TRAK1: variants seen among roughly 807,000 people sequenced by gnomAD.
The protein encoded by TRAK1 is trafficking kinesin protein 1.
Under a neutral mutation model 92.1 loss-of-function variants are expected in TRAK1, and 33 were observed. The ratio of observed to expected loss-of-function variants is 0.36; its 90% CI spans 0.27 to 0.48. The LOEUF is 0.48. TRAK1 is among the 20% of genes least tolerant of loss of function. The probability of loss-of-function intolerance (pLI) is 0.99; values close to 1 mark genes in which losing one functional copy is unlikely to be tolerated. For missense variants in TRAK1, 1,123 were observed against 1,257.9 expected (o/e 0.89, Z 1.62); for synonymous variants, 521 against 517.3 (o/e 1.01, Z -0.10).
chr3:42,177,535 C>T (rs1377381409), intron 3 of TRAK1, among the ~76,000 whole-genome samples: 1 of 152,214 alleles, frequency 6.6e-6, no homozygotes, highest in African/African-American at 2.4e-5. Context: ...CATTAATGCA[C>T]TGCCCCCTTC....
chr3:42,190,775 CCCTCCCTCCCTCTCTCCCTT>C (rs915386131), intron 6 of TRAK1, among the ~76,000 whole-genome samples: 6 of 151,760 alleles, frequency 4.0e-5, no homozygotes, highest in Admixed American at 6.6e-5. Context: ...TTTCTCTCCT[CCCTCCCTCCCTCTCTCCCTT>C]CCTCCCTCCC....
chr3:42,159,398 G>A (rs1372512516), intron 2 of TRAK1, among the ~76,000 whole-genome samples: 1 of 152,150 alleles, frequency 6.6e-6, no homozygotes, highest in Non-Finnish European at 1.5e-5. Flanking sequence ...GCTAGCACCC[G>A]GGGCTGCCTT....
upstream of TRAK1, among the ~76,000 whole-genome samples, chr3:42,082,342 T>C (rs1704475834): frequency 6.6e-6 from 1 of 152,194 alleles, no homozygotes; most frequent in Non-Finnish European, 1.5e-5. Context: ...CTCACGCCTG[T>C]AATCCCAGCA....
chr3:42,135,845 G>T (rs566927664), intron 2 of TRAK1, among the ~76,000 whole-genome samples: 1 of 152,176 alleles, frequency 6.6e-6, no homozygotes, highest in African/African-American at 2.4e-5. Context: ...CTCTCTGCAG[G>T]TGATGGCTAC....
rs1440626281 is a variant in TRAK1, at chr3:42,224,061, A to C, written c.*324A>C. Reference sequence around the variant, plus strand: ...GGTCCTTTCTTCTTTCCTTTTGAGAAGCACTGAAACTCCCAAGTGTGTTCT... The same window carrying C: ...GGTCCTTTCTTCTTTCCTTTTGAGACGCACTGAAACTCCCAAGTGTGTTCT... On this transcript the variant is annotated 3_prime_UTR_variant, in exon 16 of 16. Coordinates refer to ENST00000327628, the MANE Select transcript of TRAK1 (RefSeq NM_001042646.3). 1 of 510,000 alleles carries C rather than the reference A, an allele frequency of 2.0e-6. No individual in the cohort carries two copies. The highest frequency in any genetic ancestry group is 3.8e-6 in the Non-Finnish European group (1 of 262,804). The allele number at this position is 510,000 out of a possible 1,614,324, so 31.6% of individuals were successfully genotyped here.
At chr3:42,036,716 A>G (rs1702339797) in intron 1 of TRAK1, among the ~76,000 whole-genome samples, 2 of 152,126 alleles carry the variant, frequency 1.3e-5, no homozygotes, top group African/African-American at 4.8e-5. Context: ...TAACAGCCAA[A>G]TGCCTTTTAA....
intron 1 of TRAK1, among the ~76,000 whole-genome samples, chr3:42,063,299 A>G (rs1037674711): frequency 6.6e-6 from 1 of 152,212 alleles, no homozygotes; most frequent in Non-Finnish European, 1.5e-5. Context: ...GCCCTAAGCC[A>G]TTGCTGAAGG....
chr3:42,154,161 T>C (rs1700270870), intron 2 of TRAK1, among the ~76,000 whole-genome samples: 1 of 152,138 alleles, frequency 6.6e-6, no homozygotes, highest in Non-Finnish European at 1.5e-5. Context: ...TAATTTTAAT[T>C]TTGTTTTATT....
At chr3:42,173,969 T>A (rs1033334948) in intron 2 of TRAK1, among the ~76,000 whole-genome samples, 3 of 152,184 alleles carry the variant, frequency 2.0e-5, no homozygotes, top group African/African-American at 7.2e-5. Context: ...GCCTTAGTTT[T>A]CTGTTGTAAA....
At chr3:42,162,612 G>A (rs1297237280) in intron 2 of TRAK1, among the ~76,000 whole-genome samples, 13 of 152,198 alleles carry the variant, frequency 8.5e-5, no homozygotes, top group Non-Finnish European at 2.9e-5. Flanking sequence ...CAGCGATGCT[G>A]TACATAAGGT....
intron 1 of TRAK1, among the ~76,000 whole-genome samples, chr3:42,101,341 G>A (rs1487273413): frequency 6.6e-6 from 1 of 152,252 alleles, no homozygotes; most frequent in African/African-American, 2.4e-5. Flanking sequence ...CATAGCAAGA[G>A]TGATTCAGGA....
intron 8 of TRAK1, among the ~76,000 whole-genome samples, chr3:42,193,415 T>C (rs533773431): frequency 2.6e-5 from 4 of 152,340 alleles, no homozygotes; most frequent in Admixed American, 2.0e-4. Flanking sequence ...CTCCTAAAAT[T>C]ATATTGAATT....
At chr3:42,092,719 T>TTATGTTATGTTATGA (rs1705273807) in intron 1 of TRAK1, among the ~76,000 whole-genome samples, 5 of 130,418 alleles carry the variant, frequency 3.8e-5, no homozygotes, top group African/African-American at 1.3e-4. Flanking sequence ...TTGTGTTATG[T>TTATGTTATGTTATGA]TATGTTATGT....
chr3:42,144,669 TTGTATCCTTGTA>T (rs1699109482), intron 2 of TRAK1, among the ~76,000 whole-genome samples: 1 of 151,002 alleles, frequency 6.6e-6, no homozygotes, highest in South Asian at 2.1e-4. Context: ...AATAAGGGAT[TTGTATCCTTGTA>T]TATTTTTTTT....
chr3:42,210,419 A>G (rs1708886549), intron 14 of TRAK1: 3 of 1,304,992 alleles, frequency 2.3e-6, no homozygotes, highest in South Asian at 2.9e-5. Context: ...AAAAAAAAAA[A>G]AAAAAAGTGG....
At chr3:42,187,099 G>A (rs114979317) in intron 4 of TRAK1, among the ~76,000 whole-genome samples, 2,129 of 152,240 alleles carry the variant, frequency 0.014, 52 homozygotes, top group African/African-American at 0.049. Flanking sequence ...AGCCATCTCA[G>A]CAGAAGTCAA....
intron 2 of TRAK1, among the ~76,000 whole-genome samples, chr3:42,164,995 G>T: frequency 6.6e-6 from 1 of 152,216 alleles, no homozygotes; most frequent in Non-Finnish European, 1.5e-5. Context: ...TTTCTTAAAT[G>T]AAATGCATCA....
rs771154252 is a variant in TRAK1 at position 42,202,469 on chromosome 3, G to GGGCACCCCA, written c.1465_1473dup (p.Thr489_Gly491dup). The GGGCACCCCA allele has an allele frequency of 2.4e-5, 35 of 1,486,350 alleles. No homozygotes were observed. Among genetic ancestry groups the GGGCACCCCA allele is most frequent in the Non-Finnish European group, 2.9e-5 (32 of 1,114,498 alleles). The allele number at this position is 1,486,350 out of a possible 1,614,324, so 92.1% of individuals were successfully genotyped here. ...AGCGGAGTAAGAAGCCGGGGACGCC[G>GGGCACCCCA]GGCACCCCAGGCTCCCACGACCTGG... On this transcript the variant is annotated inframe_insertion, in exon 13 of 16. Transcript: ENST00000327628. This position sits in a 1 kb window ranked among gnomAD's most constrained non-coding sequence, Gnocchi z 6.1.
intron 1 of TRAK1, among the ~76,000 whole-genome samples, chr3:42,045,115 A>G (rs972791771): frequency 2.6e-5 from 4 of 151,970 alleles, no homozygotes; most frequent in African/African-American, 4.8e-5. Flanking sequence ...ACAAACATGT[A>G]TTTTTTGTTT....
Sources: allele counts gnomAD v4.1 joint callset (sites outside exome capture counted in the v4.1 genomes callset), GRCh38; gene constraint gnomAD v4.1.1; non-coding constraint Gnocchi (gnomAD v3.1); transcripts MANE v1.5; gene names NCBI Gene and HGNC (gene_info 2026-07-23, HGNC 2026-07-21).